The following TRMT11 variants were observed in gnomAD, a reference collection of about 807,000 sequenced individuals.
TRMT11 encodes tRNA methyltransferase 11, also known as tRNA (guanine(10)-N(2))-methyltransferase TRMT11.
A neutral mutation model predicts 62.8 loss-of-function variants in TRMT11; 53 were observed. The observed-to-expected ratio is 0.84, with a 90% CI of 0.68 to 1.06. The LOEUF (loss-of-function observed/expected upper bound fraction) is 1.06. Ranked by LOEUF, TRMT11 falls within the 50% of genes least tolerant of loss-of-function variation. TRMT11 has a pLI of 0.00. For missense variants in TRMT11, 556 were observed against 553.4 expected (o/e 1.00, Z -0.05); for synonymous variants, 188 against 190.3 (o/e 0.99, Z 0.10).
chr6:126,209,969 A>G, the TRMT11 span, among the ~76,000 whole-genome samples: 1 of 152,102 alleles, frequency 6.6e-6, no homozygotes, highest in Non-Finnish European at 1.5e-5. Flanking sequence ...AAGATACCTC[A>G]CTTTGTGATG....
At chr6:126,037,640 A>G (rs546839982) in intron 12 of TRMT11, among the ~76,000 whole-genome samples, 1 of 152,194 alleles carries the variant, frequency 6.6e-6, no homozygotes, top group Admixed American at 6.6e-5. Context: ...TTTTAAAAAT[A>G]TATGTGGCAA....
intron 12 of TRMT11, among the ~76,000 whole-genome samples, chr6:126,029,056 A>C (rs888156485): frequency 1.3e-5 from 2 of 152,150 alleles, no homozygotes; most frequent in Non-Finnish European, 2.9e-5. Flanking sequence ...AATCAACATA[A>C]TCCTTTAGAG....
At chr6:126,103,828 C>T (rs1777431666) in intron 17 of TRMT11, among the ~76,000 whole-genome samples, 2 of 152,104 alleles carry the variant, frequency 1.3e-5, no homozygotes, top group African/African-American at 4.8e-5. Context: ...AACATAATGT[C>T]ATAATGAGAG....
the TRMT11 span, among the ~76,000 whole-genome samples, chr6:126,226,394 G>A: frequency 4.6e-5 from 7 of 152,098 alleles, no homozygotes; most frequent in East Asian, 1.2e-3. Flanking sequence ...TAAGAATACC[G>A]TTTGTTACTT....
At chr6:126,078,429 T>G (rs1777082637) in intron 17 of TRMT11, among the ~76,000 whole-genome samples, 1 of 152,040 alleles carries the variant, frequency 6.6e-6, no homozygotes, top group African/African-American at 2.4e-5. Flanking sequence ...ACTCAGGCAT[T>G]TTTTTTCTTC....
chr6:126,270,329 T>C, the TRMT11 span, among the ~76,000 whole-genome samples: 3 of 152,144 alleles, frequency 2.0e-5, no homozygotes, highest in Non-Finnish European at 4.4e-5. Context: ...AGAAGGGAGA[T>C]GCAAATATAG....
chr6:126,169,906 AT>A lies in TRMT11; in HGVS notation c.*1824-4910del, dbSNP rs1027775954. Among the ~76,000 whole-genome samples, 162 of 151,802 alleles carry A rather than the reference AT, an allele frequency of 1.1e-3. 2 individuals carry two copies. Among genetic ancestry groups the A allele is most frequent in the African/African-American group, 3.3e-3 (136 of 41,434 alleles). On this transcript the variant is annotated intron_variant and NMD_transcript_variant, in intron 21 of 22. Transcript: ENST00000648977. The stretch of plus-strand genomic sequence containing the variant: ...TTCTGTTTTCTACTAAATAAGACAA[AT>A]TTTTTTTTATATGTGTTCAGGTTCC...
At chr6:126,021,493 G>A (rs1419909768) in intron 12 of TRMT11, among the ~76,000 whole-genome samples, 2 of 152,186 alleles carry the variant, frequency 1.3e-5, no homozygotes, top group African/African-American at 2.4e-5. Flanking sequence ...ATTGAGTAGA[G>A]TTCAAATAGA....
At chr6:126,142,788 C>G (rs929911340) in intron 21 of TRMT11, among the ~76,000 whole-genome samples, 4 of 152,038 alleles carry the variant, frequency 2.6e-5, no homozygotes, top group Admixed American at 2.0e-4. Context: ...CAGGGAGACT[C>G]CTGTTATGTC....
intron 21 of TRMT11, among the ~76,000 whole-genome samples, chr6:126,140,994 G>A (rs545656414): frequency 1.3e-5 from 2 of 152,162 alleles, no homozygotes; most frequent in Admixed American, 6.6e-5. Context: ...TATCTCATGA[G>A]GGTAGTTATA....
chr6:126,036,207 A>T (rs865783732), intron 12 of TRMT11, among the ~76,000 whole-genome samples: 2 of 152,148 alleles, frequency 1.3e-5, no homozygotes, highest in Non-Finnish European at 2.9e-5. Context: ...CCTTGTACAG[A>T]GGAAAGTGAG....
chr6:126,190,061 T>G (rs976011688), intron 1 of TRMT11, among the ~76,000 whole-genome samples: 2 of 152,286 alleles, frequency 1.3e-5, no homozygotes, highest in African/African-American at 4.8e-5. Context: ...TTGGAAACAT[T>G]ATAATTTCTT....
the TRMT11 span, among the ~76,000 whole-genome samples, chr6:126,251,910 G>A: frequency 1.4e-3 from 211 of 152,222 alleles, 1 homozygote; most frequent in African/African-American, 4.8e-3. Flanking sequence ...ACATAATCTT[G>A]AGAAAGATTC....
chr6:126,043,627 A>C (rs1357566910), downstream of TRMT11, among the ~76,000 whole-genome samples: 1 of 152,292 alleles, frequency 6.6e-6, no homozygotes, highest in East Asian at 1.9e-4. Context: ...AGGAATTGCC[A>C]CACTGACTTC....
At chr6:126,009,039 T>G (rs1793790975) in intron 8 of TRMT11, among the ~76,000 whole-genome samples, 1 of 151,910 alleles carries the variant, frequency 6.6e-6, no homozygotes, top group African/African-American at 2.4e-5. Context: ...TTTAAGGAAG[T>G]GCAGGAAAGT....
chr6:126,261,664 G>C, the TRMT11 span, among the ~76,000 whole-genome samples: 1 of 152,202 alleles, frequency 6.6e-6, no homozygotes, highest in South Asian at 2.1e-4. Context: ...GGGTGAGTCA[G>C]TAACATGGAC....
chr6:126,065,039 C>G (rs888666181), intron 17 of TRMT11, among the ~76,000 whole-genome samples: 1 of 152,168 alleles, frequency 6.6e-6, no homozygotes, highest in African/African-American at 2.4e-5. Context: ...AGGAGCATTT[C>G]CATTCACAGC....
In TRMT11 at chr6:126,038,906, A is replaced by T; in HGVS notation, c.*70A>T. 1 of 1,316,182 alleles carries T rather than the reference A, an allele frequency of 7.6e-7. No individual in the cohort carries two copies. 81.5% of individuals were successfully genotyped at this position (1,316,182 alleles called of 1,614,324 possible). The stretch of plus-strand genomic sequence containing the variant: ...AAAAGACATCTGGATGTGAACTTTC[A>T]TGTATGATCCAGAAAATAGGTACGG... On this transcript the variant is annotated 3_prime_UTR_variant, in exon 13 of 13. Coordinates refer to ENST00000334379, the MANE Select transcript of TRMT11 (RefSeq NM_001031712.3).
At chr6:126,130,238 C>T (rs1336420367) in intron 21 of TRMT11, among the ~76,000 whole-genome samples, 2 of 151,984 alleles carry the variant, frequency 1.3e-5, no homozygotes, top group African/African-American at 2.4e-5. Context: ...AGAACAACAG[C>T]GGGGTCTTTG....
Sources: gnomAD v4.1 joint callset for allele counts (sites outside exome capture counted in the v4.1 genomes callset) on GRCh38, gnomAD v4.1.1 for gene constraint, MANE v1.5 for transcripts, NCBI Gene and HGNC (gene_info 2026-07-23, HGNC 2026-07-21) for gene names.